Variants in FHIT observed in about 807,000 individuals in gnomAD.
The protein encoded by FHIT is fragile histidine triad diadenosine triphosphatase, also known as bis(5'-adenosyl)-triphosphatase.
In FHIT, 19 loss-of-function variants were observed where a neutral mutation model predicts 17.9. The observed-to-expected ratio is 1.06, with a 90% CI of 0.74 to 1.56. The LOEUF (loss-of-function observed/expected upper bound fraction) is 1.56, where lower values mean the gene tolerates loss of function less well. Ranked by LOEUF, FHIT falls within the 40% of genes most tolerant of loss-of-function variation. The pLI, the probability that FHIT is intolerant of heterozygous loss-of-function variation, is 0.00. For missense variants in FHIT, 248 were observed against 189.2 expected (o/e 1.31, Z -1.82); for synonymous variants, 81 against 69.7 (o/e 1.16, Z -0.81).
At chr3:59,810,375 C>T (rs1178108384) in intron 8 of FHIT, among the ~76,000 whole-genome samples, 1 of 152,164 alleles carries the variant, frequency 6.6e-6, no homozygotes, top group Admixed American at 6.5e-5. Context: ...TTCTGAGCAC[C>T]TCATGAAATG....
At chr3:60,450,985 T>C (rs1040798834) in intron 5 of FHIT, among the ~76,000 whole-genome samples, 1 of 152,152 alleles carries the variant, frequency 6.6e-6, no homozygotes, top group African/African-American at 2.4e-5. Flanking sequence ...TTCAATAGTT[T>C]AGAGTTAGAA....
In FHIT at chr3:60,204,268, T is replaced by C. The variant is rs539327218; in HGVS notation, c.104-190116A>G. Among the ~76,000 whole-genome samples, 14 of 151,786 alleles carry C rather than the reference T, an allele frequency of 9.2e-5. No homozygotes were observed. The South Asian group carries it at 2.7e-3, about 29-fold the overall frequency. ...GGCAAATATATGGAGAGGTATTTTATTTATTTTATTATTTTATTTGAGACA... is the reference window on the plus strand; with the variant it reads ...GGCAAATATATGGAGAGGTATTTTACTTATTTTATTATTTTATTTGAGACA... On this transcript the variant is annotated intron_variant, in intron 5 of 9. Coordinates refer to ENST00000492590, the MANE Select transcript of FHIT (RefSeq NM_002012.4).
chr3:59,916,633 G>T (rs1264628469), intron 8 of FHIT, among the ~76,000 whole-genome samples: 1 of 152,176 alleles, frequency 6.6e-6, no homozygotes, highest in Admixed American at 6.6e-5. Context: ...GGAACATAGA[G>T]ATTTAGCTCA....
intron 5 of FHIT, among the ~76,000 whole-genome samples, chr3:60,166,672 G>T (rs1175115297): frequency 6.6e-6 from 1 of 152,106 alleles, no homozygotes; most frequent in Non-Finnish European, 1.5e-5. Flanking sequence ...CACATTATAC[G>T]TTTAAAAATG....
intron 5 of FHIT, among the ~76,000 whole-genome samples, chr3:60,120,828 T>A (rs964834820): frequency 6.9e-6 from 1 of 145,974 alleles, no homozygotes; most frequent in Non-Finnish European, 1.5e-5. Flanking sequence ...TTACTTTAAT[T>A]ATATCTCAGC....
chr3:59,927,630 G>A (rs1001604126), intron 7 of FHIT, among the ~76,000 whole-genome samples: 11 of 151,630 alleles, frequency 7.3e-5, no homozygotes, highest in East Asian at 6.0e-4. Context: ...TTAGCCAGGC[G>A]TGGTGGCACA....
chr3:60,075,553 T>C (rs545918008), intron 5 of FHIT, among the ~76,000 whole-genome samples: 7 of 152,210 alleles, frequency 4.6e-5, no homozygotes, highest in African/African-American at 1.7e-4. Flanking sequence ...AATCAGTAGA[T>C]TAAAGAAGGT....
intron 4 of FHIT, among the ~76,000 whole-genome samples, chr3:60,669,135 T>C (rs1490875137): frequency 6.6e-6 from 1 of 152,006 alleles, no homozygotes; most frequent in Non-Finnish European, 1.5e-5. Context: ...ACAAAGCAGA[T>C]TCTTCCTTAA....
chr3:60,516,290 C>CA (rs1324677971), intron 5 of FHIT, among the ~76,000 whole-genome samples: 14 of 151,912 alleles, frequency 9.2e-5, no homozygotes, highest in Non-Finnish European at 1.8e-4. Flanking sequence ...TTTTCTAAAA[C>CA]AAAAAAACTA....
intron 5 of FHIT, among the ~76,000 whole-genome samples, chr3:60,308,496 G>GTGTATA (rs1158561576): frequency 2.1e-5 from 3 of 140,954 alleles, no homozygotes; most frequent in South Asian, 2.4e-4. Flanking sequence ...AGGTGTATGT[G>GTGTATA]TATATATATA....
In FHIT at chr3:61,225,821, G is replaced by A. The variant is rs79931715; in HGVS notation, c.-212-25156C>T. Among the ~76,000 whole-genome samples, 69 of 152,242 alleles carry A rather than the reference G, an allele frequency of 4.5e-4. 2 individuals are homozygous for A. In the East Asian group the frequency reaches 0.013, roughly 29 times the overall value. Reference sequence around the variant, plus strand: ...CACCATGTTAGTACTTTTCACCAGTGTTAAATAAAAAGCTTCCTGTTAACT... The same window carrying A: ...CACCATGTTAGTACTTTTCACCAGTATTAAATAAAAAGCTTCCTGTTAACT... On this transcript the variant is annotated intron_variant, in intron 1 of 9. Coordinates refer to ENST00000492590, the MANE Select transcript of FHIT (RefSeq NM_002012.4).
At chr3:59,844,784 G>A (rs1445788332) in intron 8 of FHIT, among the ~76,000 whole-genome samples, 2 of 152,026 alleles carry the variant, frequency 1.3e-5, no homozygotes, top group Admixed American at 6.6e-5. Context: ...TAGTTTTTTT[G>A]CAATGTCTTT....
At chr3:60,207,511 A>T (rs1475481028) in intron 5 of FHIT, among the ~76,000 whole-genome samples, 3 of 152,096 alleles carry the variant, frequency 2.0e-5, no homozygotes, top group Non-Finnish European at 4.4e-5. Context: ...GATAAACTTT[A>T]AAATGTTTTT....
intron 3 of FHIT, among the ~76,000 whole-genome samples, chr3:60,862,968 A>C (rs1185542608): frequency 6.6e-6 from 1 of 152,142 alleles, no homozygotes; most frequent in Non-Finnish European, 1.5e-5. Context: ...ACTTTAACAT[A>C]GGAAGGTTAT....
At chr3:60,687,440 T>C (rs2040884056) in intron 4 of FHIT, among the ~76,000 whole-genome samples, 1 of 152,150 alleles carries the variant, frequency 6.6e-6, no homozygotes. Context: ...TGGTTTTTGT[T>C]ATCATTATTT....
chr3:61,240,536 T>C (rs1230650731), intron 1 of FHIT, among the ~76,000 whole-genome samples: 2 of 152,198 alleles, frequency 1.3e-5, no homozygotes, highest in African/African-American at 4.8e-5. Flanking sequence ...GGTAGGCATA[T>C]GGCCCAAGCT....
intron 5 of FHIT, among the ~76,000 whole-genome samples, chr3:60,282,238 A>T (rs560049666): frequency 2.2e-4 from 33 of 152,320 alleles, no homozygotes; most frequent in Middle Eastern, 3.4e-3. Flanking sequence ...ATTCATAATA[A>T]TCTGTCTTTC....
At chr3:60,861,446 C>G (rs1703888042) in intron 3 of FHIT, among the ~76,000 whole-genome samples, 2 of 151,102 alleles carry the variant, frequency 1.3e-5, no homozygotes, top group South Asian at 4.2e-4. Context: ...TCCCTGGCCT[C>G]TATCCTGCTA....
intron 5 of FHIT, among the ~76,000 whole-genome samples, chr3:60,130,305 C>T (rs913305321): frequency 6.6e-6 from 1 of 152,176 alleles, no homozygotes; most frequent in South Asian, 2.1e-4. Flanking sequence ...GAAATGTTCA[C>T]TATTATCAGT....
Sources: gnomAD v4.1 joint callset for allele counts (sites outside exome capture counted in the v4.1 genomes callset) on GRCh38, gnomAD v4.1.1 for gene constraint, MANE v1.5 for transcripts, NCBI Gene and HGNC (gene_info 2026-07-23, HGNC 2026-07-21) for gene names.